Variants in GABRA1 observed in about 807,000 individuals in gnomAD.
The protein encoded by GABRA1 is gamma-aminobutyric acid receptor subunit alpha-1.
GABRA1 carries 9 observed loss-of-function variants against 48.9 expected under a neutral mutation model. The ratio of observed to expected loss-of-function variants is 0.18; its 90% CI spans 0.11 to 0.32. The LOEUF is 0.32. GABRA1 is among the 10% of genes least tolerant of loss of function. The pLI, the probability that GABRA1 is intolerant of heterozygous loss-of-function variation, is 1.00. For missense variants in GABRA1, 285 were observed against 553.8 expected, an observed-to-expected ratio of 0.51 and a Z score of 4.87; for synonymous variants, 210 against 198.7, an observed-to-expected ratio of 1.06 and a Z score of -0.48.
At chr5:161,885,331 A>G (rs900902990) in intron 7 of GABRA1, among the ~76,000 whole-genome samples, 20 of 152,128 alleles carry the variant, frequency 1.3e-4, no homozygotes, top group Non-Finnish European at 2.2e-4. Context: ...GGAGCCCTGA[A>G]AACATCAAAA....
chr5:161,847,538 C>G (rs968451812), upstream of GABRA1: 5 of 152,098 alleles, frequency 3.3e-5, no homozygotes, highest in South Asian at 2.1e-4. Flanking sequence ...GGAAAGCGCT[C>G]CCAACCTGAG....
intron 4 of GABRA1, among the ~76,000 whole-genome samples, chr5:161,866,936 T>C (rs2113358833): frequency 6.6e-6 from 1 of 152,262 alleles, no homozygotes; most frequent in Admixed American, 6.5e-5. Flanking sequence ...TTGCCTGGTT[T>C]ATAATGCCAG....
intron 5 of GABRA1, among the ~76,000 whole-genome samples, 194 bp downstream of exon 5, chr5:161,873,531 T>C (rs932363887): frequency 3.3e-5 from 5 of 152,206 alleles, no homozygotes; most frequent in South Asian, 2.1e-4. Flanking sequence ...CAAATGTTTA[T>C]TTGCTTACAT....
intron 2 of GABRA1, among the ~76,000 whole-genome samples, chr5:161,853,195 G>A (rs1190658223): frequency 2.0e-5 from 3 of 151,812 alleles, no homozygotes; most frequent in African/African-American, 7.2e-5. Flanking sequence ...TATGATTCAA[G>A]GAGCATAGAT....
At position 161,850,797 on chromosome 5, in the gene GABRA1, T is replaced by G. The variant is rs778424128; in HGVS notation, c.-14T>G. The stretch of plus-strand genomic sequence containing the variant: ...ATCTCTACTTATTCTACTTTTCAGC[T>G]GCTCCAGCCCGCGATGAGGAAAAGT... On this transcript the variant is annotated splice_region_variant and 5_prime_UTR_variant, in exon 2 of 10. Transcript: ENST00000393943. 1 of 1,613,872 alleles carries G rather than the reference T, an allele frequency of 6.2e-7. No homozygotes were observed. Among genetic ancestry groups the G allele is most frequent in the South Asian group, 1.1e-5 (1 of 91,080 alleles).
At chr5:161,888,536 G>C (rs1417426282) in intron 7 of GABRA1, among the ~76,000 whole-genome samples, 2 of 151,996 alleles carry the variant, frequency 1.3e-5, no homozygotes, top group Non-Finnish European at 2.9e-5. Flanking sequence ...AACAACAAAA[G>C]ATAATGGAAT....
intron 3 of GABRA1, among the ~76,000 whole-genome samples, chr5:161,861,765 A>G (rs1399433511): frequency 2.0e-5 from 3 of 151,876 alleles, no homozygotes; most frequent in Non-Finnish European, 4.4e-5. Flanking sequence ...AGGAGTATAC[A>G]TTGATGTTTA....
rs1052210098 is a variant in GABRA1, at chr5:161,875,756, T to A, written c.559+114T>A. 8.8e-6 allele frequency: 7 copies of A among 791,010 alleles called. No individual in the cohort carries two copies. The Admixed American group carries it at 9.1e-5, about 10-fold the overall frequency. The allele number at this position is 791,010 out of a possible 1,614,324, so 49.0% of individuals were successfully genotyped here. A position where few individuals can be genotyped will look rare whatever the true frequency, so the allele number is the denominator to read the frequency against. On this transcript the variant is annotated intron_variant, in intron 6 of 9. Transcript: ENST00000393943. ...GGAATCAAGAAAATTTAAACAGCAA[T>A]ATACCACATGGACTTTCCATAAGTA...
chr5:161,851,848 T>C (rs984971595), intron 2 of GABRA1, among the ~76,000 whole-genome samples: 4 of 152,208 alleles, frequency 2.6e-5, no homozygotes, highest in Non-Finnish European at 4.4e-5. Context: ...TAAATGTCTT[T>C]ACTGCTTTTG....
chr5:161,854,664 C>G (rs1757580215), intron 3 of GABRA1, among the ~76,000 whole-genome samples: 1 of 151,542 alleles, frequency 6.6e-6, no homozygotes, highest in African/African-American at 2.4e-5. Flanking sequence ...TTGGTTCAAA[C>G]ATTTATTTTG....
intron 6 of GABRA1, among the ~76,000 whole-genome samples, chr5:161,881,124 A>T (rs901506045): frequency 2.6e-5 from 4 of 152,212 alleles, no homozygotes; most frequent in Admixed American, 2.0e-4. Context: ...TGAGGGCCTC[A>T]GGCCCTGTGC....
intron 6 of GABRA1, among the ~76,000 whole-genome samples, chr5:161,876,390 T>C (rs1451464469): frequency 6.6e-6 from 1 of 152,152 alleles, no homozygotes; most frequent in Non-Finnish European, 1.5e-5. Flanking sequence ...GGGAATAATG[T>C]ATTCTTGGTT....
At chr5:161,891,146 A>C in intron 8 of GABRA1, 96 bp downstream of exon 8, 2 of 1,133,752 alleles carry the variant, frequency 1.8e-6, no homozygotes, top group Non-Finnish European at 2.7e-6. Context: ...AAAAATATAC[A>C]CTCAAATATT....
Position 161,897,454 on chromosome 5 carries a change from C to G in GABRA1, c.*32C>G. On this transcript the variant is annotated 3_prime_UTR_variant, in exon 10 of 10. Coordinates refer to ENST00000393943, the MANE Select transcript of GABRA1 (RefSeq NM_001127644.2). ...TACTCACATTCTGTTGTTCAGTCCT[C>G]TGCACTGGGAATTTATTTATGTTCT... The G allele has an allele frequency of 6.4e-7, 1 of 1,559,844 alleles. No homozygotes were observed. The highest frequency in any genetic ancestry group is 1.7e-4 in the Middle Eastern group (1 of 5,966).
intron 4 of GABRA1, among the ~76,000 whole-genome samples, chr5:161,868,921 G>A (rs1254010399): frequency 6.6e-6 from 1 of 152,038 alleles, no homozygotes; most frequent in African/African-American, 2.4e-5. Context: ...AAGGAACAGC[G>A]TGTCCAACCA....
intron 4 of GABRA1, among the ~76,000 whole-genome samples, chr5:161,866,728 T>C (rs1038050614): frequency 1.3e-5 from 2 of 152,174 alleles, no homozygotes; most frequent in African/African-American, 4.8e-5. Flanking sequence ...AAGACCTTTT[T>C]TGTCATTTGA....
In GABRA1 at chr5:161,866,654, C is replaced by G. The variant is rs577250805; in HGVS notation, c.255+866C>G. Among the ~76,000 whole-genome samples, 12 of 152,218 alleles carry G rather than the reference C, an allele frequency of 7.9e-5. No individual in the cohort carries two copies. The South Asian group carries it at 2.5e-3, about 32-fold the overall frequency. On this transcript the variant is annotated intron_variant, in intron 4 of 9. Coordinates refer to ENST00000393943, the MANE Select transcript of GABRA1 (RefSeq NM_001127644.2). ...ATGAATGGCAGAGTAAAAGCCCTGA[C>G]AAGTTCTGAGGTAAAACAAACAAAA...
intron 2 of GABRA1, 41 bp downstream of exon 2, chr5:161,850,925 A>T: frequency 6.5e-7 from 1 of 1,527,156 alleles, no homozygotes; most frequent in Non-Finnish European, 9.1e-7. Flanking sequence ...AAATTTCTGT[A>T]ACTTTTCATT....
chr5:161,866,276 T>C (rs962455774), intron 4 of GABRA1, among the ~76,000 whole-genome samples: 1 of 152,106 alleles, frequency 6.6e-6, no homozygotes, highest in African/African-American at 2.4e-5. Context: ...CCAGGAAACA[T>C]TCTGCTTCAT....
Sources: allele counts gnomAD v4.1 joint callset (sites outside exome capture counted in the v4.1 genomes callset), GRCh38; gene constraint gnomAD v4.1.1; transcripts MANE v1.5; gene names NCBI Gene and HGNC (gene_info 2026-07-23, HGNC 2026-07-21).